The following CACNA2D1 variants were observed in gnomAD, a reference collection of about 807,000 sequenced individuals.
The protein encoded by CACNA2D1 is voltage-dependent calcium channel subunit alpha-2/delta-1.
CACNA2D1 carries 53 observed loss-of-function variants against 171.5 expected under a neutral mutation model. The ratio of observed to expected loss-of-function variants is 0.31; its 90% CI spans 0.25 to 0.39. CACNA2D1 has a LOEUF of 0.39. Ranked by LOEUF, CACNA2D1 falls within the 10% of genes least tolerant of loss-of-function variation. The pLI is 1.00. For synonymous variants in CACNA2D1, 442 were observed against 443.1 expected (o/e 1.00, Z 0.03); for missense variants, 903 against 1,299.8 (o/e 0.69, Z 4.69).
At chr7:82,250,407 T>C (rs1443751177) in intron 3 of CACNA2D1, among the ~76,000 whole-genome samples, 1 of 152,176 alleles carries the variant, frequency 6.6e-6, no homozygotes, top group Non-Finnish European at 1.5e-5. Flanking sequence ...AGGAAAGCAT[T>C]TTTGTTTCTT....
intron 3 of CACNA2D1, among the ~76,000 whole-genome samples, chr7:82,323,145 G>A (rs539818004): frequency 6.6e-6 from 1 of 152,062 alleles, no homozygotes; most frequent in East Asian, 1.9e-4. Flanking sequence ...TCCATTATGT[G>A]AAATAAAGAG....
At chr7:82,299,130 A>G (rs1304714958) in intron 3 of CACNA2D1, among the ~76,000 whole-genome samples, 6 of 151,158 alleles carry the variant, frequency 4.0e-5, no homozygotes, top group South Asian at 2.1e-4. Flanking sequence ...GTTAATTGGG[A>G]AAAAAAAATT....
intron 3 of CACNA2D1, among the ~76,000 whole-genome samples, chr7:82,270,145 C>G (rs188236060): frequency 6.6e-6 from 1 of 152,234 alleles, no homozygotes; most frequent in East Asian, 1.9e-4. Context: ...GCTGTTCTCT[C>G]CTCAGCTATC....
chr7:82,425,488 A>T (rs1829088980), intron 1 of CACNA2D1, among the ~76,000 whole-genome samples: 1 of 152,032 alleles, frequency 6.6e-6, no homozygotes, highest in East Asian at 2.0e-4. Context: ...ATACCAAACC[A>T]AAATAAATAA....
intron 3 of CACNA2D1, among the ~76,000 whole-genome samples, chr7:82,294,002 C>T (rs1338302650): frequency 6.6e-6 from 1 of 152,104 alleles, no homozygotes; most frequent in Non-Finnish European, 1.5e-5. Flanking sequence ...CATTTCTTAT[C>T]TGACACTATC....
At chr7:82,248,226 A>T (rs1412132345) in intron 3 of CACNA2D1, among the ~76,000 whole-genome samples, 2 of 152,216 alleles carry the variant, frequency 1.3e-5, no homozygotes, top group Non-Finnish European at 2.9e-5. Flanking sequence ...GCAATCAGGC[A>T]TTCACTTTGA....
chr7:82,068,154 C>T (rs1431935027), intron 7 of CACNA2D1, among the ~76,000 whole-genome samples: 1 of 152,166 alleles, frequency 6.6e-6, no homozygotes, highest in East Asian at 1.9e-4. Context: ...GAGCTCAGCT[C>T]CTACAGTGTT....
intron 6 of CACNA2D1, among the ~76,000 whole-genome samples, chr7:82,098,264 T>G (rs1343578617): frequency 1.3e-5 from 2 of 152,248 alleles, no homozygotes; most frequent in African/African-American, 4.8e-5. Context: ...ACTGGTACAC[T>G]TTAACATTGT....
chr7:82,102,441 G>A (rs1239669643), intron 6 of CACNA2D1, among the ~76,000 whole-genome samples: 2 of 151,884 alleles, frequency 1.3e-5, no homozygotes, highest in African/African-American at 2.4e-5. Flanking sequence ...TATTTGTTGT[G>A]TGTATTTGAG....
intron 4 of CACNA2D1, among the ~76,000 whole-genome samples, chr7:82,161,063 G>C (rs890199622): frequency 2.6e-5 from 4 of 151,998 alleles, no homozygotes; most frequent in Non-Finnish European, 5.9e-5. Flanking sequence ...TTTTATGCTA[G>C]GTTTGATGGG....
Position 81,970,002 on chromosome 7 carries a change from C to T in CACNA2D1, c.2205-18G>A, listed in dbSNP as rs77599790. 1.5e-3 allele frequency: 2,073 copies of T among 1,406,338 alleles called. 26 individuals are homozygous for T. The African/African-American group carries it at 0.025, about 17-fold the overall frequency. The allele number at this position is 1,406,338 out of a possible 1,614,324, so 87.1% of individuals were successfully genotyped here. ...CTCCAGCCCTAAGGAGGAAATGGCT[C>T]ATCATTTGTATTCTTTAATCTACCT... On this transcript the variant is annotated intron_variant, in intron 27 of 38. Transcript: ENST00000356860.
chr7:82,375,003 C>T (rs984496330), intron 1 of CACNA2D1, among the ~76,000 whole-genome samples: 21 of 152,120 alleles, frequency 1.4e-4, no homozygotes, highest in Non-Finnish European at 1.8e-4. Context: ...GTTTTCTAAT[C>T]CCCAACAAGC....
intron 3 of CACNA2D1, among the ~76,000 whole-genome samples, chr7:82,215,419 G>T (rs76778202): frequency 6.6e-6 from 1 of 152,100 alleles, no homozygotes; most frequent in East Asian, 1.9e-4. Context: ...AGACCAAACC[G>T]CAGGGTGTTT....
intron 3 of CACNA2D1, among the ~76,000 whole-genome samples, chr7:82,306,650 TGG>T (rs1398764688): frequency 6.6e-6 from 1 of 152,162 alleles, no homozygotes; most frequent in African/African-American, 2.4e-5. Context: ...AATCTATTTC[TGG>T]GAGTGAATTT....
rs1474359493 is a variant in CACNA2D1 at position 82,175,131 on chromosome 7, ATAAAATTTGCTTTC to A, written c.295-4536_295-4523del. Reference sequence around the variant, plus strand: ...ATTGCAAATTTATTGCAAGTTAAAGATAAAATTTGCTTTCTGAAATTATGAGAAATTTTCTTTTG... The same window carrying A: ...ATTGCAAATTTATTGCAAGTTAAAGATGAAATTATGAGAAATTTTCTTTTG... On this transcript the variant is annotated intron_variant, in intron 3 of 38. Transcript: ENST00000356860. Among the ~76,000 whole-genome samples the A allele has an allele frequency of 8.5e-5, 13 of 152,170 alleles. No individual in the cohort carries two copies. In the East Asian group the frequency reaches 2.5e-3, roughly 29 times the overall value.
chr7:82,372,836 C>G (rs1331780461), intron 1 of CACNA2D1, among the ~76,000 whole-genome samples: 1 of 152,046 alleles, frequency 6.6e-6, no homozygotes, highest in Non-Finnish European at 1.5e-5. Flanking sequence ...ACAGTTTCCT[C>G]TAAATATTCT....
chr7:82,042,091 C>T (rs538976376), intron 10 of CACNA2D1, among the ~76,000 whole-genome samples: 1 of 152,196 alleles, frequency 6.6e-6, no homozygotes, highest in East Asian at 1.9e-4. Flanking sequence ...ACTATAATTG[C>T]ACTCATAGTA....
At chr7:82,362,131 T>G (rs1033905841) in intron 1 of CACNA2D1, among the ~76,000 whole-genome samples, 2 of 152,154 alleles carry the variant, frequency 1.3e-5, no homozygotes, top group Non-Finnish European at 2.9e-5. Context: ...GGCACGCCCA[T>G]GTAACTCACC....
intron 3 of CACNA2D1, among the ~76,000 whole-genome samples, chr7:82,275,939 A>G (rs1199803818): frequency 2.6e-5 from 4 of 152,196 alleles, no homozygotes; most frequent in Non-Finnish European, 5.9e-5. Context: ...CGGACATATC[A>G]TTCCAGGGTC....
Sources: allele counts gnomAD v4.1 joint callset (sites outside exome capture counted in the v4.1 genomes callset), GRCh38; gene constraint gnomAD v4.1.1; transcripts MANE v1.5; gene names NCBI Gene and HGNC (gene_info 2026-07-23, HGNC 2026-07-21).